Variants in HDAC9 observed in about 807,000 individuals in gnomAD.
HDAC9 encodes the protein histone deacetylase 9.
HDAC9 carries 41 observed loss-of-function variants against 139.4 expected under a neutral mutation model. That is an observed-to-expected ratio of 0.29 (90% CI 0.23 to 0.38). The LOEUF is 0.38. Among genes scored for constraint, HDAC9 ranks in the 10% least tolerant of loss-of-function variants. HDAC9 has a pLI of 1.00. For synonymous variants in HDAC9, 517 were observed against 476.2 expected, an observed-to-expected ratio of 1.09 and a Z score of -1.12; for missense variants, 1,147 against 1,297.0, an observed-to-expected ratio of 0.88 and a Z score of 1.78.
chr7:18,968,686 G>A (rs973888177), intron 24 of HDAC9, among the ~76,000 whole-genome samples: 14 of 152,014 alleles, frequency 9.2e-5, no homozygotes, highest in African/African-American at 2.7e-4. Context: ...ATCCCTGGAC[G>A]CAGTGGCTCA....
At chr7:18,118,276 C>T (rs965463668) in intron 1 of HDAC9, among the ~76,000 whole-genome samples, 1 of 152,176 alleles carries the variant, frequency 6.6e-6, no homozygotes, top group Non-Finnish European at 1.5e-5. Flanking sequence ...AGAGTCAGAA[C>T]TGGAATATTG....
At chr7:18,727,969 C>A (rs1392052417) in intron 13 of HDAC9, among the ~76,000 whole-genome samples, 10 of 152,186 alleles carry the variant, frequency 6.6e-5, no homozygotes, top group African/African-American at 2.4e-4. Context: ...AAATTGCTAT[C>A]ATCCAAGGGC....
chr7:18,104,269 C>T (rs1370727161), intron 1 of HDAC9, among the ~76,000 whole-genome samples: 1 of 151,384 alleles, frequency 6.6e-6, no homozygotes, highest in Non-Finnish European at 1.5e-5. Context: ...TTATAAGACA[C>T]ATTAAGGGTT....
chr7:18,286,361 A>G (rs942027154), upstream of HDAC9, among the ~76,000 whole-genome samples: 1 of 150,118 alleles, frequency 6.7e-6, no homozygotes, highest in Non-Finnish European at 1.5e-5. Flanking sequence ...AAATTGTGAA[A>G]ATTCAATAAT....
chr7:18,185,985 C>A (rs1376675816), intron 2 of HDAC9, among the ~76,000 whole-genome samples: 1 of 152,130 alleles, frequency 6.6e-6, no homozygotes, highest in South Asian at 2.1e-4. Flanking sequence ...ATTGAGTGTT[C>A]ATTGTATTTC....
chr7:18,429,571 G>A (rs1790449467), intron 1 of HDAC9, among the ~76,000 whole-genome samples: 1 of 152,100 alleles, frequency 6.6e-6, no homozygotes, highest in African/African-American at 2.4e-5. Flanking sequence ...GTGTCTGTGT[G>A]TGTGTGTGTG....
chr7:18,234,123 C>T (rs961180200), intron 2 of HDAC9, among the ~76,000 whole-genome samples: 5 of 152,320 alleles, frequency 3.3e-5, no homozygotes, highest in Admixed American at 2.6e-4. Context: ...AAAGCGAGAG[C>T]TTTCTCCCTT....
chr7:18,723,781 T>A (rs971978535), intron 12 of HDAC9, among the ~76,000 whole-genome samples: 1 of 151,978 alleles, frequency 6.6e-6, no homozygotes, highest in Non-Finnish European at 1.5e-5. Context: ...AACTACTCAT[T>A]AACAGGAAAA....
chr7:18,413,998 A>T (rs1321203524), intron 1 of HDAC9, among the ~76,000 whole-genome samples: 1 of 152,172 alleles, frequency 6.6e-6, no homozygotes, highest in Non-Finnish European at 1.5e-5. Context: ...CTCAGACCAC[A>T]CATGAGAAAC....
In HDAC9 at chr7:18,774,014, C is replaced by G. The variant is rs527801643; in HGVS notation, c.2214+6859C>G. On this transcript the variant is annotated intron_variant, in intron 16 of 25. Coordinates refer to ENST00000686413, the MANE Select transcript of HDAC9 (RefSeq NM_178425.4). ...CAGTTTTTTTTTCAAAATTCAAAAC[C>G]AAAATAAATTAGCTCACTGAATGCT... is the stretch of plus-strand genomic sequence containing the variant. Among the ~76,000 whole-genome samples, 4 of 151,796 alleles carry G rather than the reference C, an allele frequency of 2.6e-5. No individual in the cohort carries two copies. The Middle Eastern group carries it at 0.01, about 387-fold the overall frequency.
At chr7:18,868,010 A>G (rs912728023) in intron 21 of HDAC9, among the ~76,000 whole-genome samples, 1 of 152,126 alleles carries the variant, frequency 6.6e-6, no homozygotes, top group Admixed American at 6.6e-5. Flanking sequence ...TCTTTGTTTC[A>G]AGGCTAAAAT....
At chr7:18,424,118 A>T (rs1407382920) in intron 1 of HDAC9, among the ~76,000 whole-genome samples, 1 of 152,180 alleles carries the variant, frequency 6.6e-6, no homozygotes, top group Non-Finnish European at 1.5e-5. Flanking sequence ...ATGACATTCC[A>T]CGTTACTGAT....
intron 1 of HDAC9, among the ~76,000 whole-genome samples, chr7:18,378,120 A>C (rs1424436323): frequency 1.3e-5 from 2 of 152,192 alleles, no homozygotes; most frequent in Admixed American, 6.5e-5. Flanking sequence ...TAACTAAATT[A>C]GGTGCCATTT....
At chr7:18,853,343 A>T (rs978754903) in intron 21 of HDAC9, among the ~76,000 whole-genome samples, 1 of 152,118 alleles carries the variant, frequency 6.6e-6, no homozygotes, top group African/African-American at 2.4e-5. Flanking sequence ...GGAGGGTTAA[A>T]TCCATTAGGA....
intron 22 of HDAC9, among the ~76,000 whole-genome samples, chr7:18,888,631 C>G (rs774050844): frequency 5.3e-5 from 8 of 152,194 alleles, no homozygotes; most frequent in African/African-American, 1.9e-4. Context: ...CAGCTTCTTC[C>G]ATGAGAAATT....
chr7:18,183,107 T>G (rs1266762295), intron 2 of HDAC9, among the ~76,000 whole-genome samples: 3 of 152,050 alleles, frequency 2.0e-5, no homozygotes, highest in Non-Finnish European at 2.9e-5. Context: ...CCTCCTGGGT[T>G]CACGCCATTC....
intron 1 of HDAC9, among the ~76,000 whole-genome samples, chr7:18,139,877 A>T (rs1004767423): frequency 6.6e-6 from 1 of 152,172 alleles, no homozygotes; most frequent in Admixed American, 6.5e-5. Flanking sequence ...TCAAGGAATG[A>T]ATTATCTCCT....
intron 25 of HDAC9, among the ~76,000 whole-genome samples, chr7:18,989,895 T>G (rs945031142): frequency 2.0e-5 from 3 of 151,258 alleles, no homozygotes; most frequent in Admixed American, 1.3e-4. Flanking sequence ...GCCTTGGTTT[T>G]CAGCTCCATC....
At chr7:18,918,501 C>T (rs182073123) in intron 22 of HDAC9, among the ~76,000 whole-genome samples, 24 of 152,118 alleles carry the variant, frequency 1.6e-4, no homozygotes, top group African/African-American at 5.5e-4. Context: ...TTTTATTACT[C>T]AGGTTAAGAA....
Sources: gnomAD v4.1 joint callset for allele counts (sites outside exome capture counted in the v4.1 genomes callset) on GRCh38, gnomAD v4.1.1 for gene constraint, MANE v1.5 for transcripts, NCBI Gene and HGNC (gene_info 2026-07-23, HGNC 2026-07-21) for gene names.